PIEZO2: variants seen among roughly 807,000 people sequenced by gnomAD.
PIEZO2 encodes piezo type mechanosensitive ion channel component 2.
In PIEZO2, 172 loss-of-function variants were observed where a neutral mutation model predicts 337.3. That is an observed-to-expected ratio of 0.51 (90% CI 0.45 to 0.58). PIEZO2 has a LOEUF of 0.58. Ranked by LOEUF, PIEZO2 falls within the 20% of genes least tolerant of loss-of-function variation. The pLI is 0.00. For synonymous variants in PIEZO2, 1,251 were observed against 1,228.5 expected, an observed-to-expected ratio of 1.02 and a Z score of -0.38; for missense variants, 3,028 against 3,391.3, an observed-to-expected ratio of 0.89 and a Z score of 2.66.
At chr18:10,887,637 C>T (rs774582913) in intron 4 of PIEZO2, among the ~76,000 whole-genome samples, 8 of 152,240 alleles carry the variant, frequency 5.3e-5, no homozygotes, top group Non-Finnish European at 1.0e-4. Context: ...CACATACTCA[C>T]AGCATTTTGT....
intron 7 of PIEZO2, among the ~76,000 whole-genome samples, chr18:10,842,842 C>T (rs1210928152): frequency 6.6e-6 from 1 of 152,208 alleles, no homozygotes; most frequent in Non-Finnish European, 1.5e-5. Flanking sequence ...TTAAGAAAAA[C>T]TCAACAATGA....
chr18:10,920,668 C>A (rs1017718503), intron 3 of PIEZO2, among the ~76,000 whole-genome samples: 9 of 152,062 alleles, frequency 5.9e-5, no homozygotes, highest in African/African-American at 2.2e-4. Flanking sequence ...TTTAGAGACA[C>A]AAGACGGCCA....
chr18:11,131,672 C>T lies in PIEZO2; in HGVS notation c.64+16853G>A, dbSNP rs1309519508. Among the ~76,000 whole-genome samples, 19 of 152,162 alleles carry T rather than the reference C, an allele frequency of 1.2e-4. No homozygotes were observed. Among genetic ancestry groups the T allele is most frequent in the Non-Finnish European group, 1.5e-5 (1 of 68,036 alleles). ...TAATGGGATGTAGCCAATGTTTTGG[C>T]TGGATGGTCAGGGACTTGGAAAAAG... On this transcript the variant is annotated intron_variant, in intron 1 of 55. Coordinates refer to ENST00000674853, the MANE Select transcript of PIEZO2 (RefSeq NM_001378183.1). This position sits in a 1 kb window ranked among gnomAD's most constrained non-coding sequence, Gnocchi z 5.3.
At position 10,980,548 on chromosome 18, in the gene PIEZO2, T is replaced by C. The variant is rs561293587; in HGVS notation, c.161-888A>G. ...CATAAGATAAGAGATACAATGAAGA[T>C]TGTTAACTAGACTTATTTGCAGATA... On this transcript the variant is annotated intron_variant, in intron 2 of 55. Transcript: ENST00000674853. This position sits in a 1 kb window ranked among gnomAD's most constrained non-coding sequence, Gnocchi z 4.8. Among the ~76,000 whole-genome samples, 1 of 152,290 alleles carries C rather than the reference T, an allele frequency of 6.6e-6. No individual in the cohort carries two copies. The highest frequency in any genetic ancestry group is 1.9e-4 in the East Asian group (1 of 5,186).
In PIEZO2 at chr18:11,094,826, A is replaced by C. The variant is rs904507800; in HGVS notation, c.65-28604T>G. 3.9e-5 allele frequency among the ~76,000 whole-genome samples: 6 copies of C among 152,232 alleles called. No homozygotes were observed. Among genetic ancestry groups the C allele is most frequent in the Non-Finnish European group, 7.3e-5 (5 of 68,040 alleles). On this transcript the variant is annotated intron_variant, in intron 1 of 55. Coordinates refer to ENST00000674853, the MANE Select transcript of PIEZO2 (RefSeq NM_001378183.1). The surrounding 1 kb of genome is among the most constrained non-coding windows in gnomAD (Gnocchi z 4.4). Reference sequence around the variant, plus strand: ...AAAATGTCTCTCCTTTGTAAACATTAGTCTGCAGATTTAGAAGCACTTAGT... The same window carrying C: ...AAAATGTCTCTCCTTTGTAAACATTCGTCTGCAGATTTAGAAGCACTTAGT...
chr18:11,073,769 T>C (rs1251839693), intron 1 of PIEZO2, among the ~76,000 whole-genome samples: 1 of 151,942 alleles, frequency 6.6e-6, no homozygotes, highest in Non-Finnish European at 1.5e-5. Context: ...GTTATCTCCA[T>C]CTAGGGAAAA....
Position 10,800,368 on chromosome 18 carries a change from C to G in PIEZO2, c.1347G>C (p.Gln449His), listed in dbSNP as rs2039766938. 3 of 1,536,326 alleles carry G rather than the reference C, an allele frequency of 2.0e-6. No individual in the cohort carries two copies. In the Admixed American group the frequency reaches 5.9e-5, roughly 30 times the overall value. ...ATTCATCAGAGGGCTCCCACCGGTA[C>G]TGAGGGGTGGAGTAGAGGTCGGCTT... Reference protein sequence around the residue: ...PGKADLYSTPQYRWEPSDESS... With the variant: ...PGKADLYSTPHYRWEPSDESS... Residue 449 changes from glutamine to histidine, a missense_variant, in exon 11 of 56, where the codon CAG becomes CAC. Gln to His is a conservative substitution (Grantham distance 24). Coordinates refer to ENST00000674853, the MANE Select transcript of PIEZO2 (RefSeq NM_001378183.1).
chr18:10,789,771 C>G (rs1213467459), intron 14 of PIEZO2, among the ~76,000 whole-genome samples: 1 of 152,116 alleles, frequency 6.6e-6, no homozygotes, highest in East Asian at 1.9e-4. Flanking sequence ...GTGGTTAATG[C>G]TAACAATCTT....
At chr18:10,939,616 A>C (rs1036805625) in intron 3 of PIEZO2, among the ~76,000 whole-genome samples, 1 of 152,210 alleles carries the variant, frequency 6.6e-6, no homozygotes, top group Non-Finnish European at 1.5e-5. Flanking sequence ...TGTCCTTTGC[A>C]GGGACATGGA....
intron 4 of PIEZO2, among the ~76,000 whole-genome samples, chr18:10,901,864 T>C (rs927953748): frequency 1.3e-5 from 2 of 151,698 alleles, no homozygotes; most frequent in Admixed American, 1.3e-4. Context: ...AAATCACACT[T>C]CCACCTCTTC....
rs1183798435 is a variant in PIEZO2 at position 10,671,461 on chromosome 18, T to G, written c.*66A>C. 1.2e-5 allele frequency: 18 copies of G among 1,496,230 alleles called. No homozygotes were observed. Among genetic ancestry groups the G allele is most frequent in the Non-Finnish European group, 1.5e-5 (17 of 1,106,590 alleles). 92.7% of individuals were successfully genotyped at this position (1,496,230 alleles called of 1,614,324 possible). ...TCGAACTAGAAATGCTTAGCTCTTA[T>G]GAGAATATTGTGCTTTTAAAAAAAA... On this transcript the variant is annotated 3_prime_UTR_variant, in exon 56 of 56. Coordinates refer to ENST00000674853, the MANE Select transcript of PIEZO2 (RefSeq NM_001378183.1).
chr18:10,724,298 G>T lies in PIEZO2; in HGVS notation c.5030-6039C>A, dbSNP rs1410358311. Among the ~76,000 whole-genome samples, 1 of 152,150 alleles carries T rather than the reference G, an allele frequency of 6.6e-6. No individual in the cohort carries two copies. The highest frequency in any genetic ancestry group is 2.4e-5 in the African/African-American group (1 of 41,428). On this transcript the variant is annotated intron_variant, in intron 36 of 55. Coordinates refer to ENST00000674853, the MANE Select transcript of PIEZO2 (RefSeq NM_001378183.1). The surrounding 1 kb of genome is among the most constrained non-coding windows in gnomAD (Gnocchi z 5.8). ...CACTTGAGGCCAGGAGTTGGAGGCT[G>T]CAATGAGCTATGATCATTGCACTGC... is the stretch of plus-strand genomic sequence containing the variant.
intron 3 of PIEZO2, among the ~76,000 whole-genome samples, chr18:10,947,373 C>G (rs1598733617): frequency 6.6e-6 from 1 of 151,994 alleles, no homozygotes; most frequent in Non-Finnish European, 1.5e-5. Context: ...AAGTTCAGTA[C>G]TGAAAGAAAA....
At chr18:11,095,002 G>A (rs1388613177) in intron 1 of PIEZO2, among the ~76,000 whole-genome samples, 1 of 152,336 alleles carries the variant, frequency 6.6e-6, no homozygotes, top group East Asian at 1.9e-4. Flanking sequence ...ACCAAGTGTG[G>A]GGGTGGAAGG....
At chr18:11,139,330 A>G (rs1245377942) in intron 1 of PIEZO2, among the ~76,000 whole-genome samples, 1 of 152,232 alleles carries the variant, frequency 6.6e-6, no homozygotes, top group Non-Finnish European at 1.5e-5. Context: ...CACCTTGAAC[A>G]TCAGAAACCA....
At chr18:11,040,665 C>G (rs2037089432) in intron 2 of PIEZO2, among the ~76,000 whole-genome samples, 1 of 152,158 alleles carries the variant, frequency 6.6e-6, no homozygotes, top group Non-Finnish European at 1.5e-5. Context: ...AGAGACGTCT[C>G]TTTCTGAAAT....
At position 10,696,055 on chromosome 18, in the gene PIEZO2, T is replaced by C; in HGVS notation, c.7190+19A>G. ...TTGCATGGAGGCAGGTTGGTGCCTCTGGCTTCTGAAGACCTTACCTCTCAG... is the reference window on the plus strand; with the variant it reads ...TTGCATGGAGGCAGGTTGGTGCCTCCGGCTTCTGAAGACCTTACCTCTCAG... On this transcript the variant is annotated intron_variant, in intron 47 of 55. Transcript: ENST00000674853. 6.2e-7 allele frequency: 1 copy of C among 1,603,690 alleles called. No homozygotes were observed. Among genetic ancestry groups the C allele is most frequent in the South Asian group, 1.1e-5 (1 of 90,862 alleles).
At chr18:11,087,387 G>T (rs1024348551) in intron 1 of PIEZO2, among the ~76,000 whole-genome samples, 2 of 152,252 alleles carry the variant, frequency 1.3e-5, no homozygotes, top group Admixed American at 1.3e-4. Context: ...TCTGCAGGCA[G>T]CATCCCCTGT....
intron 51 of PIEZO2, 108 bp downstream of exon 51, chr18:10,681,553 A>T: frequency 1.2e-6 from 1 of 850,922 alleles, no homozygotes; most frequent in Non-Finnish European, 1.9e-6. Flanking sequence ...AAACCCTGAA[A>T]AGTCCTCCTT....
Sources: allele counts gnomAD v4.1 joint callset (sites outside exome capture counted in the v4.1 genomes callset), GRCh38; gene constraint gnomAD v4.1.1; non-coding constraint Gnocchi (gnomAD v3.1); transcripts MANE v1.5; gene names NCBI Gene and HGNC (gene_info 2026-07-23, HGNC 2026-07-21).